The following NEMP2 variants were observed in gnomAD, a reference collection of about 807,000 sequenced individuals.
NEMP2 encodes nuclear envelope integral membrane protein 2.
In NEMP2, 53 loss-of-function variants were observed where a neutral mutation model predicts 54.2. The ratio of observed to expected loss-of-function variants is 0.98; its 90% CI spans 0.78 to 1.23. The LOEUF (loss-of-function observed/expected upper bound fraction) is 1.23, where lower values mean the gene tolerates loss of function less well. NEMP2 is among the 50% of genes most tolerant of loss of function. The pLI is 0.00. For missense variants in NEMP2, 455 were observed against 511.3 expected (o/e 0.89, Z 1.06); for synonymous variants, 197 against 190.3 (o/e 1.04, Z -0.29).
the NEMP2 span, chr2:190,436,585 AC>A: frequency 6.2e-7 from 1 of 1,614,130 alleles, no homozygotes; most frequent in Non-Finnish European, 8.5e-7. This position sits in a 1 kb window ranked among gnomAD's most constrained non-coding sequence, Gnocchi z 5.3. Flanking sequence ...TTCTTCCTTT[AC>A]CTCTTTCCTC....
the NEMP2 span, among the ~76,000 whole-genome samples, chr2:190,543,793 C>T: frequency 1.3e-5 from 2 of 152,180 alleles, no homozygotes; most frequent in African/African-American, 4.8e-5. The surrounding 1 kb of genome is among the most constrained non-coding windows in gnomAD (Gnocchi z 4.7). Flanking sequence ...TTCCATTAGA[C>T]TATTTCCATG....
chr2:190,426,100 C>A, the NEMP2 span, among the ~76,000 whole-genome samples: 5 of 152,152 alleles, frequency 3.3e-5, no homozygotes, highest in Admixed American at 6.5e-5. The surrounding 1 kb of genome is among the most constrained non-coding windows in gnomAD (Gnocchi z 4.7). Context: ...ATGTCTTTTG[C>A]CAATTTGAGA....
downstream of NEMP2, among the ~76,000 whole-genome samples, chr2:190,502,841 G>A (rs1310638913): frequency 1.3e-5 from 2 of 152,202 alleles, no homozygotes; most frequent in Admixed American, 6.5e-5. This position sits in a 1 kb window ranked among gnomAD's most constrained non-coding sequence, Gnocchi z 4.4. Flanking sequence ...ACAAAAACTG[G>A]AGGTGTTCCT....
At chr2:190,621,293 T>A in the NEMP2 span, among the ~76,000 whole-genome samples, 1 of 152,236 alleles carries the variant, frequency 6.6e-6, no homozygotes, top group African/African-American at 2.4e-5. Flanking sequence ...GCTACAAACT[T>A]GTACAGCATG....
At chr2:190,491,312 G>A in the NEMP2 span, among the ~76,000 whole-genome samples, 1 of 152,174 alleles carries the variant, frequency 6.6e-6, no homozygotes, top group African/African-American at 2.4e-5. This position sits in a 1 kb window ranked among gnomAD's most constrained non-coding sequence, Gnocchi z 4.2. Context: ...AGTAGCATGT[G>A]GAGACTTGCA....
At chr2:190,469,751 T>TTA in the NEMP2 span, 2 of 1,444,542 alleles carry the variant, frequency 1.4e-6, no homozygotes, top group Non-Finnish European at 1.8e-6. The surrounding 1 kb of genome is among the most constrained non-coding windows in gnomAD (Gnocchi z 5.3). Flanking sequence ...TTTTTATTTT[T>TTA]TTTTAGGGTT....
chr2:190,522,494 C>A lies in NEMP2; in HGVS notation c.213+2769G>T, dbSNP rs926172181. Reference sequence around the variant, plus strand: ...AAACCAAAAATAAAATTCTAACACCCCCGACCCCGCCAACTATCTGAATGA... The same window carrying A: ...AAACCAAAAATAAAATTCTAACACCACCGACCCCGCCAACTATCTGAATGA... On this transcript the variant is annotated intron_variant, in intron 2 of 8. Coordinates refer to ENST00000409150, the MANE Select transcript of NEMP2 (RefSeq NM_001142645.2). The surrounding 1 kb of genome is among the most constrained non-coding windows in gnomAD (Gnocchi z 5.0). Among the ~76,000 whole-genome samples the A allele has an allele frequency of 6.6e-6, 1 of 152,008 alleles. No individual in the cohort carries two copies. Among genetic ancestry groups the A allele is most frequent in the Admixed American group, 6.5e-5 (1 of 15,268 alleles).
rs763393378 is a variant in NEMP2, at chr2:190,509,165, T to A, written c.*24A>T. 6 of 1,551,264 alleles carry A rather than the reference T, an allele frequency of 3.9e-6. No individual in the cohort carries two copies. The East Asian group carries it at 1.2e-4, about 32-fold the overall frequency. ...CCTTTGCCCACTTCCTTGTCCAGAA[T>A]GAAGTCAACTTGAAGGTCGCATGTC... On this transcript the variant is annotated 3_prime_UTR_variant, in exon 9 of 9. Coordinates refer to ENST00000409150, the MANE Select transcript of NEMP2 (RefSeq NM_001142645.2). This position sits in a 1 kb window ranked among gnomAD's most constrained non-coding sequence, Gnocchi z 6.1.
the NEMP2 span, among the ~76,000 whole-genome samples, chr2:190,593,174 C>A: frequency 7.2e-5 from 11 of 152,290 alleles, no homozygotes; most frequent in South Asian, 1.7e-3. This position sits in a 1 kb window ranked among gnomAD's most constrained non-coding sequence, Gnocchi z 4.5. Context: ...GTAAAACTCC[C>A]GATCAGCCGC....
At chr2:190,622,079 A>T in the NEMP2 span, among the ~76,000 whole-genome samples, 5 of 147,968 alleles carry the variant, frequency 3.4e-5, no homozygotes, top group South Asian at 1.1e-3. Context: ...CAGCCTGGGG[A>T]GTGAGACTCT....
In NEMP2 at chr2:190,510,351, CG is replaced by C; in HGVS notation, c.1130+9del. ...CTAAACTATGGTCCGAGCAGCAGAGCGGGACTTACTTGCTAGGAGTGTGGAG... is the reference window on the plus strand; with the variant it reads ...CTAAACTATGGTCCGAGCAGCAGAGCGGACTTACTTGCTAGGAGTGTGGAG... On this transcript the variant is annotated intron_variant, in intron 8 of 8. Transcript: ENST00000409150. The surrounding 1 kb of genome is among the most constrained non-coding windows in gnomAD (Gnocchi z 5.7). 6.4e-7 allele frequency: 1 copy of C among 1,551,434 alleles called. No individual in the cohort carries two copies. Among genetic ancestry groups the C allele is most frequent in the Non-Finnish European group, 8.7e-7 (1 of 1,146,866 alleles).
At chr2:190,640,326 T>C in the NEMP2 span, among the ~76,000 whole-genome samples, 2 of 152,306 alleles carry the variant, frequency 1.3e-5, no homozygotes, top group African/African-American at 4.8e-5. Flanking sequence ...GCCAAACTAC[T>C]GTTCTAAAGG....
At chr2:190,626,447 G>A in the NEMP2 span, 1 of 152,122 alleles carries the variant, frequency 6.6e-6, no homozygotes. The surrounding 1 kb of genome is among the most constrained non-coding windows in gnomAD (Gnocchi z 4.5). Flanking sequence ...ACCATATTAA[G>A]AGTGTCGAGA....
the NEMP2 span, among the ~76,000 whole-genome samples, chr2:190,496,787 A>C: frequency 1.3e-5 from 2 of 152,234 alleles, no homozygotes; most frequent in African/African-American, 4.8e-5. This position sits in a 1 kb window ranked among gnomAD's most constrained non-coding sequence, Gnocchi z 4.7. Context: ...TGGAGACCAT[A>C]TTCTAAGTGA....
the NEMP2 span, among the ~76,000 whole-genome samples, chr2:190,446,451 C>T: frequency 4.6e-5 from 7 of 152,270 alleles, no homozygotes; most frequent in East Asian, 1.9e-4. Flanking sequence ...AGCTCCCTAG[C>T]TTTTTGAAAA....
chr2:190,544,078 G>A, the NEMP2 span, among the ~76,000 whole-genome samples: 1 of 152,096 alleles, frequency 6.6e-6, no homozygotes, highest in Non-Finnish European at 1.5e-5. Context: ...AATAATACCA[G>A]CCAATGCCAT....
the NEMP2 span, among the ~76,000 whole-genome samples, chr2:190,460,987 G>C: frequency 6.6e-6 from 1 of 152,166 alleles, no homozygotes; most frequent in Non-Finnish European, 1.5e-5. Context: ...GTCTGACACA[G>C]AACACCATTT....
chr2:190,529,095 T>G lies in NEMP2; in HGVS notation c.98-3717A>C, dbSNP rs1465116863. ...CAATGGCTCATGCCTGTAATTTCGC[T>G]TGAACCTGGGAGGCGAGGTTGCAGT... On this transcript the variant is annotated intron_variant, in intron 1 of 8. Coordinates refer to ENST00000409150, the MANE Select transcript of NEMP2 (RefSeq NM_001142645.2). This position sits in a 1 kb window ranked among gnomAD's most constrained non-coding sequence, Gnocchi z 4.7. 6.6e-6 allele frequency among the ~76,000 whole-genome samples: 1 copy of G among 152,142 alleles called. No homozygotes were observed. Among genetic ancestry groups the G allele is most frequent in the Non-Finnish European group, 1.5e-5 (1 of 68,032 alleles).
the NEMP2 span, among the ~76,000 whole-genome samples, chr2:190,480,710 C>G: frequency 6.6e-6 from 1 of 152,322 alleles, no homozygotes; most frequent in South Asian, 2.1e-4. Context: ...AGCTCTGTGT[C>G]TTTGGACAAA....
Sources: allele counts gnomAD v4.1 joint callset (sites outside exome capture counted in the v4.1 genomes callset), GRCh38; gene constraint gnomAD v4.1.1; non-coding constraint Gnocchi (gnomAD v3.1); transcripts MANE v1.5; gene names NCBI Gene and HGNC (gene_info 2026-07-23, HGNC 2026-07-21).